PTPRT: variants seen among roughly 807,000 people sequenced by gnomAD.
PTPRT encodes the protein receptor-type tyrosine-protein phosphatase T.
PTPRT carries 56 observed loss-of-function variants against 176.8 expected under a neutral mutation model. That is an observed-to-expected ratio of 0.32 (90% CI 0.26 to 0.40). The LOEUF (loss-of-function observed/expected upper bound fraction) is 0.40, where lower values mean the gene tolerates loss of function less well. PTPRT is among the 10% of genes least tolerant of loss of function. PTPRT has a pLI of 1.00. For missense variants in PTPRT, 1,540 were observed against 1,908.2 expected, an observed-to-expected ratio of 0.81 and a Z score of 3.60; for synonymous variants, 783 against 739.0, an observed-to-expected ratio of 1.06 and a Z score of -0.96.
intron 9 of PTPRT, among the ~76,000 whole-genome samples, chr20:42,441,605 G>T (rs79754749): frequency 2.6e-5 from 4 of 152,154 alleles, no homozygotes; most frequent in African/African-American, 7.2e-5. Context: ...AGTGTGGAAG[G>T]GGGTGGGCAG....
chr20:43,075,886 T>A (rs2011261432), intron 1 of PTPRT, among the ~76,000 whole-genome samples: 1 of 152,204 alleles, frequency 6.6e-6, no homozygotes, highest in Non-Finnish European at 1.5e-5. Context: ...ATGCTCCCTT[T>A]CAAAGCAGGA....
At position 42,448,895 on chromosome 20, in the gene PTPRT, T is replaced by C. The variant is rs62203501; in HGVS notation, c.1451-566A>G. 8.8e-3 allele frequency among the ~76,000 whole-genome samples: 1,328 copies of C among 151,686 alleles called. 11 individuals are homozygous for C. Among genetic ancestry groups the C allele is most frequent in the Middle Eastern group, 0.014 (4 of 292 alleles). ...ATTACAAAAAAAAAATCTCATAACG[T>C]TGTAAGAAAGTTTATGAATTTGTAT... On this transcript the variant is annotated intron_variant, in intron 8 of 30. Coordinates refer to ENST00000373187, the MANE Select transcript of PTPRT (RefSeq NM_007050.6).
At chr20:43,069,636 G>T (rs1291616446) in intron 1 of PTPRT, among the ~76,000 whole-genome samples, 6 of 152,174 alleles carry the variant, frequency 3.9e-5, no homozygotes, top group African/African-American at 1.4e-4. Context: ...CTGGGGAGGG[G>T]GGCGTTGCTT....
intron 17 of PTPRT, among the ~76,000 whole-genome samples, chr20:42,159,500 G>A (rs1355552861): frequency 6.6e-6 from 1 of 151,644 alleles, no homozygotes; most frequent in Non-Finnish European, 1.5e-5. Flanking sequence ...AAGCAGGTCT[G>A]CATACACACA....
intron 9 of PTPRT, among the ~76,000 whole-genome samples, chr20:42,414,963 T>C (rs758746557): frequency 2.0e-5 from 3 of 152,152 alleles, no homozygotes; most frequent in Non-Finnish European, 2.9e-5. Flanking sequence ...CTATCAAATA[T>C]TGGTAATGTA....
intron 6 of PTPRT, among the ~76,000 whole-genome samples, chr20:42,744,887 A>T (rs1197230520): frequency 6.6e-6 from 1 of 152,204 alleles, no homozygotes; most frequent in Non-Finnish European, 1.5e-5. Context: ...CTATTATCAC[A>T]GGGCCCTAGT....
intron 1 of PTPRT, among the ~76,000 whole-genome samples, chr20:42,904,018 G>C (rs2079442126): frequency 6.6e-6 from 1 of 152,186 alleles, no homozygotes; most frequent in Admixed American, 6.5e-5. Flanking sequence ...ATTTCAAAGA[G>C]AGATGGTAGG....
At chr20:42,359,125 C>T (rs1179327762) in intron 9 of PTPRT, among the ~76,000 whole-genome samples, 2 of 152,256 alleles carry the variant, frequency 1.3e-5, no homozygotes, top group Non-Finnish European at 2.9e-5. Flanking sequence ...TCAGAATGTC[C>T]GGGGCTGAGG....
chr20:42,257,744 C>T (rs1304172937), intron 13 of PTPRT, among the ~76,000 whole-genome samples: 1 of 149,778 alleles, frequency 6.7e-6, no homozygotes, highest in Non-Finnish European at 1.5e-5. Context: ...CTTCCTGAGG[C>T]CTCCCCAGAA....
intron 2 of PTPRT, among the ~76,000 whole-genome samples, chr20:42,883,702 A>ACCCC: frequency 6.8e-6 from 1 of 146,142 alleles, no homozygotes; most frequent in African/African-American, 2.6e-5. Flanking sequence ...CACCTCCCAT[A>ACCCC]CACCCCCATA....
chr20:42,163,920 C>T (rs1989716709), intron 16 of PTPRT, among the ~76,000 whole-genome samples: 2 of 152,174 alleles, frequency 1.3e-5, no homozygotes, highest in Admixed American at 6.5e-5. Context: ...TAGCTCTCAT[C>T]GAAGGCATCC....
chr20:43,170,274 G>A (rs1299842431), intron 1 of PTPRT, among the ~76,000 whole-genome samples: 1 of 151,996 alleles, frequency 6.6e-6, no homozygotes, highest in Non-Finnish European at 1.5e-5. Context: ...GTTACTTCAT[G>A]TTATGCTCAC....
intron 7 of PTPRT, among the ~76,000 whole-genome samples, chr20:42,608,192 T>G (rs959652762): frequency 3.3e-5 from 5 of 152,134 alleles, no homozygotes; most frequent in Admixed American, 1.3e-4. Flanking sequence ...GAATAAGTAC[T>G]CAATAGCCAC....
chr20:42,473,497 T>C (rs925409340), intron 7 of PTPRT, among the ~76,000 whole-genome samples: 1 of 152,136 alleles, frequency 6.6e-6, no homozygotes, highest in Non-Finnish European at 1.5e-5. Context: ...TTCTTTGAGA[T>C]GGGAGTCTGA....
rs897429268 is a variant in PTPRT at position 42,075,754 on chromosome 20, T to C, written c.*5125A>G. On this transcript the variant is annotated 3_prime_UTR_variant, in exon 31 of 31. Transcript: ENST00000373187. Reference sequence around the variant, plus strand: ...GGGGTTCCCACCAGCGACGAGGAAATGTAGATCCTGGTGAGGACTTACAGC... The same window carrying C: ...GGGGTTCCCACCAGCGACGAGGAAACGTAGATCCTGGTGAGGACTTACAGC... The C allele has an allele frequency of 4.9e-6, 1 of 203,652 alleles. No homozygotes were observed. The highest frequency in any genetic ancestry group is 2.3e-5 in the African/African-American group (1 of 43,668). 12.6% of individuals were successfully genotyped at this position (203,652 alleles called of 1,614,324 possible).
intron 12 of PTPRT, among the ~76,000 whole-genome samples, chr20:42,291,924 A>C (rs1466113116): frequency 6.6e-6 from 1 of 152,146 alleles, no homozygotes; most frequent in African/African-American, 2.4e-5. Context: ...TTAAAGGTAG[A>C]GGCTGTTACA....
chr20:43,121,034 G>A (rs945025234), intron 1 of PTPRT, among the ~76,000 whole-genome samples: 1 of 151,864 alleles, frequency 6.6e-6, no homozygotes, highest in African/African-American at 2.4e-5. Flanking sequence ...CTTCTCCCAG[G>A]ATAATTGCTG....
intron 13 of PTPRT, among the ~76,000 whole-genome samples, chr20:42,253,611 C>G (rs1372449798): frequency 6.6e-6 from 1 of 152,108 alleles, no homozygotes; most frequent in Admixed American, 6.5e-5. Context: ...TGAGAATAGG[C>G]CAAGCAAATC....
chr20:42,103,542 T>G (rs1199051928), intron 25 of PTPRT, among the ~76,000 whole-genome samples: 5 of 152,336 alleles, frequency 3.3e-5, no homozygotes, highest in African/African-American at 9.6e-5. Flanking sequence ...CTCGGCTCAC[T>G]GCAACCTCCG....
Sources: gnomAD v4.1 joint callset for allele counts (sites outside exome capture counted in the v4.1 genomes callset) on GRCh38, gnomAD v4.1.1 for gene constraint, MANE v1.5 for transcripts, NCBI Gene and HGNC (gene_info 2026-07-23, HGNC 2026-07-21) for gene names.